HEATR5A: variants seen among roughly 807,000 people sequenced by gnomAD.
HEATR5A encodes HEAT repeat containing 5A.
HEATR5A carries 178 observed loss-of-function variants against 218.8 expected under a neutral mutation model. The observed-to-expected ratio is 0.81, with a 90% CI of 0.72 to 0.92. The LOEUF (loss-of-function observed/expected upper bound fraction) is 0.92. HEATR5A is among the 40% of genes least tolerant of loss of function. The pLI, the probability that HEATR5A is intolerant of heterozygous loss-of-function variation, is 0.00. For missense variants in HEATR5A, 2,420 were observed against 2,418.9 expected (o/e 1.00, Z -0.01); for synonymous variants, 864 against 871.6 (o/e 0.99, Z 0.15).
intron 1 of HEATR5A, among the ~76,000 whole-genome samples, chr14:31,411,170 G>T (rs1169721666): frequency 6.6e-6 from 1 of 151,980 alleles, no homozygotes; most frequent in Non-Finnish European, 1.5e-5. Context: ...TTTATCAGAG[G>T]TTACAAAAAT....
intron 3 of HEATR5A, 94 bp from the exon 4 acceptor site, chr14:31,398,875 C>A: frequency 1.5e-6 from 1 of 679,258 alleles, no homozygotes; most frequent in South Asian, 1.8e-5. Flanking sequence ...GAAAAATATC[C>A]CCCATTCTCT....
At chr14:31,331,396 A>C (rs765529258) in intron 22 of HEATR5A, among the ~76,000 whole-genome samples, 1 of 152,172 alleles carries the variant, frequency 6.6e-6, no homozygotes, top group Non-Finnish European at 1.5e-5. Flanking sequence ...TCCTCAACTC[A>C]ATCTAAGACC....
At chr14:31,388,337 A>G (rs1175824124) in intron 7 of HEATR5A, among the ~76,000 whole-genome samples, 2 of 152,312 alleles carry the variant, frequency 1.3e-5, no homozygotes, top group East Asian at 1.9e-4. Flanking sequence ...AAGAAGGCAG[A>G]TATCTCTTTG....
chr14:31,406,977 C>CAAAAAA lies in HEATR5A; in HGVS notation c.-74-3934_-74-3929dup, dbSNP rs58202101. Among the ~76,000 whole-genome samples, 646 of 73,610 alleles carry CAAAAAA rather than the reference C, an allele frequency of 8.8e-3. 52 individuals carry two copies. The highest frequency in any genetic ancestry group is 0.032 in the East Asian group (69 of 2,160). The allele number at this position is 73,610 out of a possible 152,430, so 48.3% of individuals were successfully genotyped here. ...GTGTGACAAGAGTGAACCTCTGTCT[C>CAAAAAA]AAAAAAAAAAAAAAAAAAAGCGAGA... On this transcript the variant is annotated intron_variant, in intron 1 of 35. Transcript: ENST00000543095.
chr14:31,373,014 A>G (rs574093921), intron 12 of HEATR5A, among the ~76,000 whole-genome samples: 1 of 151,480 alleles, frequency 6.6e-6, no homozygotes, highest in East Asian at 2.0e-4. Context: ...CCACAACTCA[A>G]TGAAGCCTCC....
chr14:31,349,973 C>T lies in HEATR5A; in HGVS notation c.2524G>A (p.Ala842Thr), dbSNP rs1488132670. 2 of 1,564,798 alleles carry T rather than the reference C, an allele frequency of 1.3e-6. No homozygotes were observed. The highest frequency in any genetic ancestry group is 2.4e-5 in the South Asian group (2 of 84,110). The change falls in exon 18 of 36, where the codon GCT becomes ACT. Residue 842 changes from alanine to threonine, a missense_variant. Coordinates refer to ENST00000543095, the MANE Select transcript of HEATR5A (RefSeq NM_015473.4). Reference protein sequence around the residue: ...SSVSSFLKYVAGSKGCLGPEE... With the variant: ...SSVSSFLKYVTGSKGCLGPEE... Reference sequence around the variant, plus strand: ...GGACCTAAACATCCCTTGGAGCCAGCCACGTACTGAAATATGTAAAGAACA... The same window carrying T: ...GGACCTAAACATCCCTTGGAGCCAGTCACGTACTGAAATATGTAAAGAACA...
rs376940477 is a variant in HEATR5A at position 31,321,567 on chromosome 14, G to A, written c.3901C>T (p.Arg1301Trp). The A allele has an allele frequency of 3.7e-5, 60 of 1,606,894 alleles. 1 individual carries two copies. The highest frequency in any genetic ancestry group is 2.8e-4 in the South Asian group (25 of 89,382). The change falls in exon 25 of 36, where the codon CGG becomes TGG. Residue 1301 changes from arginine to tryptophan, a missense_variant. Transcript: ENST00000543095. ...SGLEMLLVVI[R>W]RFATVPEPEF... ...GGTTCTGGAACAGTTGCAAATCGCCGAATAACAACTAACAGCATTTCAAGG... is the reference window on the plus strand; with the variant it reads ...GGTTCTGGAACAGTTGCAAATCGCCAAATAACAACTAACAGCATTTCAAGG...
intron 19 of HEATR5A, among the ~76,000 whole-genome samples, chr14:31,346,268 AGGT>A (rs937874705): frequency 1.3e-5 from 2 of 152,224 alleles, no homozygotes; most frequent in Non-Finnish European, 2.9e-5. Context: ...ATATACAACT[AGGT>A]ACATTCAGAA....
intron 9 of HEATR5A, among the ~76,000 whole-genome samples, chr14:31,385,789 G>A (rs971004544): frequency 3.3e-5 from 5 of 152,092 alleles, no homozygotes; most frequent in East Asian, 1.9e-4. Flanking sequence ...GTGCAGTGGC[G>A]TTATCTTGGC....
rs749598172 is a variant in HEATR5A at position 31,345,235 on chromosome 14, A to G, written c.2910T>C (p.Ala970=). 5 of 1,613,168 alleles carry G rather than the reference A, an allele frequency of 3.1e-6. No homozygotes were observed. Among genetic ancestry groups the G allele is most frequent in the Non-Finnish European group, 8.5e-7 (1 of 1,179,464 alleles). ...LHSLSLIIDS[A]GPLYYVHVEP... ...CCACATGCACATAATAGAGTGGGCCAGCAGAATCAATGATCAATGATAGAG... is the reference window on the plus strand; with the variant it reads ...CCACATGCACATAATAGAGTGGGCCGGCAGAATCAATGATCAATGATAGAG... The change falls in exon 20 of 36, where the codon GCT becomes GCC. Residue 970 remains alanine (A), a synonymous_variant. Transcript: ENST00000543095.
intron 22 of HEATR5A, among the ~76,000 whole-genome samples, chr14:31,328,974 G>C (rs1900368063): frequency 6.6e-6 from 1 of 152,080 alleles, no homozygotes. Context: ...TGGTGGAAGG[G>C]GAAGACGCAT....
rs752959093 is a variant in HEATR5A, at chr14:31,309,032, C to CT, written c.4591dup (p.Arg1531LysfsTer22). 1 of 1,613,910 alleles carries CT rather than the reference C, an allele frequency of 6.2e-7. No individual in the cohort carries two copies. The highest frequency in any genetic ancestry group is 1.3e-5 in the African/African-American group (1 of 75,032). ...ACACATGGAAGTTGGTGTTACAGGC[C>CT]TGGAGAGATTAGATGCTCCTTCATC... On this transcript the variant is annotated frameshift_variant, in exon 29 of 36. Transcript: ENST00000543095. LOFTEE classifies it high-confidence loss of function.
At chr14:31,371,671 TA>T (rs996703243) in intron 13 of HEATR5A, 138 bp downstream of exon 13, 516 of 424,806 alleles carry the variant, frequency 1.2e-3, no homozygotes, top group South Asian at 2.1e-3. Context: ...GATCCTAGCC[TA>T]AAAAAAAATC....
At chr14:31,362,515 C>A (rs910473087) in intron 14 of HEATR5A, among the ~76,000 whole-genome samples, 21 of 145,300 alleles carry the variant, frequency 1.4e-4, no homozygotes, top group Middle Eastern at 3.8e-3. Context: ...GTAATCCCAA[C>A]ACTTTGAGAG....
chr14:31,347,754 A>C lies in HEATR5A; in HGVS notation c.2862T>G (p.Asp954Glu). ...YTLAQDSTSP[D>E]VQTWALHSLS... ...TATCACATGAGGTACCCACCTGCACATCAGGAGAAGTGCTGTCCTGCGCCA... is the reference window on the plus strand; with the variant it reads ...TATCACATGAGGTACCCACCTGCACCTCAGGAGAAGTGCTGTCCTGCGCCA... The change falls in exon 19 of 36, where the codon GAT becomes GAG. Residue 954 changes from aspartate to glutamate, a missense_variant. Coordinates refer to ENST00000543095, the MANE Select transcript of HEATR5A (RefSeq NM_015473.4). 6.3e-7 allele frequency: 1 copy of C among 1,593,962 alleles called. No individual in the cohort carries two copies. The highest frequency in any genetic ancestry group is 8.5e-7 in the Non-Finnish European group (1 of 1,172,906).
At chr14:31,340,846 A>T (rs1431360013) in intron 21 of HEATR5A, among the ~76,000 whole-genome samples, 1 of 152,242 alleles carries the variant, frequency 6.6e-6, no homozygotes, top group Non-Finnish European at 1.5e-5. Context: ...GTCCAGCAAG[A>T]GGCAAAGTTA....
At chr14:31,365,933 G>T (rs1185696730) in intron 13 of HEATR5A, among the ~76,000 whole-genome samples, 2 of 148,812 alleles carry the variant, frequency 1.3e-5, no homozygotes, top group Non-Finnish European at 3.0e-5. Flanking sequence ...CTCAAGTGTG[G>T]GGATTACAGG....
intron 1 of HEATR5A, among the ~76,000 whole-genome samples, chr14:31,416,404 G>A (rs2031449916): frequency 6.6e-6 from 1 of 152,178 alleles, no homozygotes; most frequent in Non-Finnish European, 1.5e-5. Context: ...TTGCAGGCAT[G>A]AGCCACCGCA....
chr14:31,355,899 G>C (rs1045935377), intron 16 of HEATR5A, among the ~76,000 whole-genome samples: 1 of 152,036 alleles, frequency 6.6e-6, no homozygotes, highest in Non-Finnish European at 1.5e-5. Flanking sequence ...TTTATATTAC[G>C]TAAGTATTAT....
Sources: gnomAD v4.1 joint callset for allele counts (sites outside exome capture counted in the v4.1 genomes callset) on GRCh38, gnomAD v4.1.1 for gene constraint, MANE v1.5 for transcripts, NCBI Gene and HGNC (gene_info 2026-07-23, HGNC 2026-07-21) for gene names.